Variants in TENM3 observed in about 807,000 individuals in gnomAD.
TENM3 encodes teneurin-3.
A neutral mutation model predicts 255.1 loss-of-function variants in TENM3; 63 were observed. The observed-to-expected ratio is 0.25, with a 90% CI of 0.20 to 0.30. The LOEUF (loss-of-function observed/expected upper bound fraction) is 0.30, where lower values mean the gene tolerates loss of function less well. Among genes scored for constraint, TENM3 ranks in the 10% least tolerant of loss-of-function variants. The pLI is 1.00. For missense variants in TENM3, 2,929 were observed against 3,461.1 expected, an observed-to-expected ratio of 0.85 and a Z score of 3.86; for synonymous variants, 1,306 against 1,322.3, an observed-to-expected ratio of 0.99 and a Z score of 0.27.
the TENM3 span, among the ~76,000 whole-genome samples, chr4:181,596,825 C>T: frequency 1.3e-5 from 2 of 151,984 alleles, no homozygotes; most frequent in African/African-American, 4.8e-5. Context: ...GCAAACTCAC[C>T]CAGGAACAGA....
chr4:182,155,077 A>G (rs928436951), intron 1 of TENM3, among the ~76,000 whole-genome samples: 2 of 152,200 alleles, frequency 1.3e-5, no homozygotes, highest in African/African-American at 4.8e-5. Flanking sequence ...AGTCAGCGTC[A>G]ATCAAATACA....
At chr4:182,449,302 A>T (rs1055192206) in intron 3 of TENM3, among the ~76,000 whole-genome samples, 1 of 150,142 alleles carries the variant, frequency 6.7e-6, no homozygotes, top group Non-Finnish European at 1.5e-5. Flanking sequence ...CGGAGGCAAC[A>T]TTCGCATCTG....
At chr4:181,907,967 A>G in the TENM3 span, among the ~76,000 whole-genome samples, 2 of 152,210 alleles carry the variant, frequency 1.3e-5, no homozygotes, top group African/African-American at 4.8e-5. Context: ...TTTCTTGCAC[A>G]TAAGGGTTTG....
chr4:182,449,237 C>CCGCTCCGGAGCTGGTGGCTCCGGTT (rs758941265), intron 3 of TENM3, among the ~76,000 whole-genome samples: 13 of 149,490 alleles, frequency 8.7e-5, no homozygotes, highest in Admixed American at 8.6e-4. Context: ...CGGCTCCGCT[C>CCGCTCCGGAGCTGGTGGCTCCGGTT]TTCTCCCTTG....
At chr4:182,100,824 T>G in the TENM3 span, among the ~76,000 whole-genome samples, 2 of 6,098 alleles carry the variant, frequency 3.3e-4, no homozygotes, top group Admixed American at 3.3e-3. Context: ...TATATACACA[T>G]ATATATATAT....
intron 3 of TENM3, among the ~76,000 whole-genome samples, chr4:182,538,615 G>T (rs1476304743): frequency 6.6e-6 from 1 of 152,180 alleles, no homozygotes; most frequent in Non-Finnish European, 1.5e-5. Context: ...AGTGCTGGGG[G>T]TTAGAAGGAT....
chr4:182,244,698 G>T (rs1757530469), intron 1 of TENM3, among the ~76,000 whole-genome samples: 1 of 152,156 alleles, frequency 6.6e-6, no homozygotes, highest in South Asian at 2.1e-4. Context: ...TCATAGATTT[G>T]TGTAATTCTC....
chr4:181,982,343 T>C, the TENM3 span, among the ~76,000 whole-genome samples: 1 of 152,048 alleles, frequency 6.6e-6, no homozygotes, highest in African/African-American at 2.4e-5. Flanking sequence ...TTGTCTTCAA[T>C]AGGAAAAAAG....
In TENM3 at chr4:182,193,097, A is replaced by G. The variant is rs530526873; in HGVS notation, c.-76+48343A>G. On this transcript the variant is annotated intron_variant, in intron 1 of 2. Coordinates refer to the TENM3 transcript ENST00000512480. ...GTTAAGGTAAGCATTGTGTATTCCCATGAGTGTATTATTTGGCATGAAGTA... is the reference window on the plus strand; with the variant it reads ...GTTAAGGTAAGCATTGTGTATTCCCGTGAGTGTATTATTTGGCATGAAGTA... Among the ~76,000 whole-genome samples the G allele has an allele frequency of 4.6e-5, 7 of 152,266 alleles. No homozygotes were observed. In the South Asian group the frequency reaches 1.2e-3, roughly 27 times the overall value.
At chr4:181,650,654 G>T in the TENM3 span, among the ~76,000 whole-genome samples, 1 of 152,148 alleles carries the variant, frequency 6.6e-6, no homozygotes, top group Non-Finnish European at 1.5e-5. Context: ...ACTCAAAGAA[G>T]CTTGCAAACC....
At chr4:181,475,282 T>C in the TENM3 span, among the ~76,000 whole-genome samples, 76,369 of 152,080 alleles carry the variant, frequency 0.5, 19,436 homozygotes, top group African/African-American at 0.57. Flanking sequence ...GTCATGCAAA[T>C]AAATCCACTG....
chr4:181,616,314 T>TACACACACACACAC, the TENM3 span, among the ~76,000 whole-genome samples: 1 of 103,676 alleles, frequency 9.6e-6, no homozygotes, highest in African/African-American at 3.9e-5. Context: ...ACCCATAGAA[T>TACACACACACACAC]ACACACACAC....
chr4:181,892,637 C>A, the TENM3 span, among the ~76,000 whole-genome samples: 1 of 152,316 alleles, frequency 6.6e-6, no homozygotes, highest in East Asian at 1.9e-4. Context: ...ACCTTGGCCC[C>A]TCACATGCTC....
the TENM3 span, among the ~76,000 whole-genome samples, chr4:181,869,698 C>T: frequency 7.9e-5 from 12 of 152,158 alleles, no homozygotes; most frequent in South Asian, 1.9e-3. Flanking sequence ...ATAAGCTTAA[C>T]ATTTATGGAG....
the TENM3 span, among the ~76,000 whole-genome samples, chr4:181,592,048 C>T: frequency 2.8e-4 from 42 of 152,052 alleles, no homozygotes; most frequent in African/African-American, 9.9e-4. Flanking sequence ...AGCAGATTAG[C>T]GGTTGCCTAG....
intron 3 of TENM3, among the ~76,000 whole-genome samples, chr4:182,540,479 C>T (rs558583061): frequency 3.9e-5 from 6 of 152,102 alleles, no homozygotes; most frequent in Admixed American, 2.0e-4. Context: ...ACCCCAGCTA[C>T]GGGAGGCGGA....
At chr4:181,449,261 G>A in the TENM3 span, among the ~76,000 whole-genome samples, 1 of 152,092 alleles carries the variant, frequency 6.6e-6, no homozygotes, top group South Asian at 2.1e-4. Flanking sequence ...CTGTCATGTA[G>A]GTCTATGATA....
At chr4:181,496,493 GATAAA>G in the TENM3 span, among the ~76,000 whole-genome samples, 1,654 of 152,026 alleles carry the variant, frequency 0.011, 4 homozygotes, top group African/African-American at 0.036. Flanking sequence ...ATATTTTTGT[GATAAA>G]ATAAAATTAT....
chr4:182,343,387 G>A (rs180928519), intron 2 of TENM3, among the ~76,000 whole-genome samples: 51 of 152,294 alleles, frequency 3.3e-4, no homozygotes, highest in African/African-American at 1.2e-3. Flanking sequence ...TTAATATAAA[G>A]ACCGTAAAAG....
Sources: gnomAD v4.1 joint callset for allele counts (sites outside exome capture counted in the v4.1 genomes callset) on GRCh38, gnomAD v4.1.1 for gene constraint, MANE v1.5 for transcripts, NCBI Gene and HGNC (gene_info 2026-07-23, HGNC 2026-07-21) for gene names.